Variants in SLC6A9 observed in about 807,000 individuals in gnomAD.
SLC6A9 encodes the protein solute carrier family 6 member 9.
In SLC6A9, 31 loss-of-function variants were observed where a neutral mutation model predicts 70.9. The ratio of observed to expected loss-of-function variants is 0.44; its 90% CI spans 0.33 to 0.59. The LOEUF (loss-of-function observed/expected upper bound fraction) is 0.59, where lower values mean the gene tolerates loss of function less well. Ranked by LOEUF, SLC6A9 falls within the 20% of genes least tolerant of loss-of-function variation. SLC6A9 has a pLI of 0.04. For missense variants in SLC6A9, 631 were observed against 845.2 expected (o/e 0.75, Z 3.14); for synonymous variants, 310 against 341.3 (o/e 0.91, Z 1.01).
intron 2 of SLC6A9, among the ~76,000 whole-genome samples, chr1:44,021,985 A>G (rs960844779): frequency 6.6e-6 from 1 of 152,266 alleles, no homozygotes; most frequent in Non-Finnish European, 1.5e-5. Context: ...GGGGGTGCCC[A>G]TGGGACAGAT....
intron 2 of SLC6A9, chr1:44,017,346 G>T (rs545902322): frequency 1.8e-5 from 24 of 1,363,954 alleles, no homozygotes; most frequent in Non-Finnish European, 2.3e-5. Flanking sequence ...TTTTTCCCTT[G>T]TTCCCAGCAA....
chr1:44,029,468 G>C (rs1338966475), intron 1 of SLC6A9, among the ~76,000 whole-genome samples: 3 of 152,120 alleles, frequency 2.0e-5, no homozygotes, highest in African/African-American at 7.2e-5. Context: ...CCTTTGCCCC[G>C]GCACCCGTTC....
chr1:43,997,279 G>T lies in SLC6A9; in HGVS notation c.*266C>A. On this transcript the variant is annotated 3_prime_UTR_variant, in exon 14 of 14. Coordinates refer to ENST00000372310, the MANE Select transcript of SLC6A9 (RefSeq NM_001024845.3). The surrounding 1 kb of genome is among the most constrained non-coding windows in gnomAD (Gnocchi z 4.4). Reference sequence around the variant, plus strand: ...AGCCATCCAGGCTGCTGGGGACCTGGCCCGAGACCCCTCCAAAGTGCTTTG... The same window carrying T: ...AGCCATCCAGGCTGCTGGGGACCTGTCCCGAGACCCCTCCAAAGTGCTTTG... The T allele has an allele frequency of 2.0e-6, 1 of 496,886 alleles. No homozygotes were observed. Among genetic ancestry groups the T allele is most frequent in the Non-Finnish European group, 3.6e-6 (1 of 279,348 alleles). 30.8% of individuals were successfully genotyped at this position (496,886 alleles called of 1,614,324 possible).
chr1:44,001,031 T>G lies in SLC6A9; in HGVS notation c.1360A>C (p.Met454Leu). 1 of 1,581,488 alleles carries G rather than the reference T, an allele frequency of 6.3e-7. No homozygotes were observed. The highest frequency in any genetic ancestry group is 8.6e-7 in the Non-Finnish European group (1 of 1,162,474). The change falls in exon 11 of 14, where the codon ATG becomes CTG. Residue 454 changes from methionine (M) to leucine (L), a missense_variant. By Grantham distance (15) the Met-to-Leu change is conservative. Transcript: ENST00000372310. ...SQAGIYWLLL[M>L]DNYAASFSLV... ...GAGAAGCTGGCCGCATAGTTGTCCA[T>G]CAGCAGCAGCCAATAGATGCCTGCC...
intron 2 of SLC6A9, chr1:44,017,003 C>T (rs2086767534): frequency 6.4e-7 from 1 of 1,555,194 alleles, no homozygotes; most frequent in Non-Finnish European, 8.7e-7. Context: ...TCTCAGCCTG[C>T]CTGGCACCAA....
intron 5 of SLC6A9, 120 bp from the exon 6 acceptor site, chr1:44,003,105 G>T (rs1488501088): frequency 2.5e-6 from 3 of 1,189,270 alleles, no homozygotes; most frequent in Non-Finnish European, 3.6e-6. Flanking sequence ...CAGCCACCTT[G>T]TGTGACATGG....
At chr1:44,022,436 C>T (rs1224295096) in intron 2 of SLC6A9, among the ~76,000 whole-genome samples, 1 of 152,180 alleles carries the variant, frequency 6.6e-6, no homozygotes, top group African/African-American at 2.4e-5. Flanking sequence ...ATGGGATTCA[C>T]CCCTAGCAAG....
intron 2 of SLC6A9, among the ~76,000 whole-genome samples, chr1:44,012,761 G>T (rs976518010): frequency 2.0e-5 from 3 of 152,218 alleles, no homozygotes; most frequent in Non-Finnish European, 4.4e-5. Flanking sequence ...GCAGGGCTGA[G>T]GTCAAGGAAG....
intron 2 of SLC6A9, among the ~76,000 whole-genome samples, chr1:44,017,834 G>C (rs2086800421): frequency 1.3e-5 from 2 of 152,268 alleles, no homozygotes; most frequent in Admixed American, 1.3e-4. Flanking sequence ...TCATCCCAGA[G>C]TCCAGACAAA....
chr1:44,024,291 T>C lies in SLC6A9; in HGVS notation c.-14A>G. On this transcript the variant is annotated 5_prime_UTR_variant, in exon 2 of 14. Coordinates refer to ENST00000372310, the MANE Select transcript of SLC6A9 (RefSeq NM_001024845.3). ...TTTTCCTACCATGGCGGCGGTGGGT[T>C]GGGGCTCTGGTGACGGGGACCACAC... 6.2e-7 allele frequency: 1 copy of C among 1,614,180 alleles called. No individual in the cohort carries two copies. Among genetic ancestry groups the C allele is most frequent in the East Asian group, 2.2e-5 (1 of 44,882 alleles).
chr1:44,010,970 G>T, intron 2 of SLC6A9, 88 bp from the exon 3 acceptor site: 1 of 1,437,252 alleles, frequency 7.0e-7, no homozygotes. Flanking sequence ...GGAAACCGTG[G>T]CCCCTCCAAC....
chr1:44,015,978 T>C, intron 2 of SLC6A9: 4 of 440,960 alleles, frequency 9.1e-6, no homozygotes, highest in Non-Finnish European at 1.2e-5. Flanking sequence ...AGTCCAGGCC[T>C]TCATATAGCA....
intron 2 of SLC6A9, chr1:44,011,772 C>A: frequency 1.3e-6 from 2 of 1,591,288 alleles, no homozygotes; most frequent in South Asian, 1.1e-5. Context: ...GGGGATTTGC[C>A]CCAGGGAAGA....
chr1:44,010,195 T>A, intron 3 of SLC6A9, 99 bp from the exon 4 acceptor site: 1 of 1,357,294 alleles, frequency 7.4e-7, no homozygotes, highest in Non-Finnish European at 1.0e-6. Context: ...CGCGATTGGG[T>A]AGGACCCAGG....
At chr1:44,024,608 G>C (rs1413557616) in intron 1 of SLC6A9, among the ~76,000 whole-genome samples, 1 of 152,270 alleles carries the variant, frequency 6.6e-6, no homozygotes, top group Non-Finnish European at 1.5e-5. Flanking sequence ...TGACTTTCCA[G>C]ATGCCCAATC....
At chr1:44,023,196 C>A (rs1329555147) in intron 2 of SLC6A9, among the ~76,000 whole-genome samples, 2 of 152,138 alleles carry the variant, frequency 1.3e-5, no homozygotes, top group Non-Finnish European at 2.9e-5. Flanking sequence ...CAGGTCCCCA[C>A]CCCCGGCAGC....
rs201324692 is a variant in SLC6A9, at chr1:44,001,208, C to T, written c.1291G>A (p.Val431Met). ...LQKKTYVTLG[V>M]AVAGFLLGIP... ...CCCAGCAGGAAGCCAGCCACAGCCA[C>T]GCCCAAGGTCACATAGGTCTTTTTC... is the stretch of plus-strand genomic sequence containing the variant. Residue 431 changes from valine (V) to methionine (M), a missense_variant, in exon 10 of 14, where the codon GTG (valine) becomes ATG (methionine). Physicochemically the swap from Val to Met is conservative, Grantham distance 21. Coordinates refer to ENST00000372310, the MANE Select transcript of SLC6A9 (RefSeq NM_001024845.3). The T allele has an allele frequency of 2.0e-5, 33 of 1,614,130 alleles. No individual in the cohort carries two copies. In the African/African-American group the frequency reaches 2.5e-4, roughly 12 times the overall value.
chr1:44,027,836 G>A (rs1327948742), intron 1 of SLC6A9, among the ~76,000 whole-genome samples: 3 of 152,166 alleles, frequency 2.0e-5, no homozygotes, highest in Non-Finnish European at 4.4e-5. Context: ...TTAGCTGGGC[G>A]TGGTGGTAGG....
intron 12 of SLC6A9, among the ~76,000 whole-genome samples, chr1:43,998,983 G>T (rs995296770): frequency 1.1e-4 from 1 of 9,168 alleles, no homozygotes; most frequent in Non-Finnish European, 4.5e-4. Flanking sequence ...GGCGGGGGAA[G>T]GGGGGGGGCA....
Sources: allele counts gnomAD v4.1 joint callset (sites outside exome capture counted in the v4.1 genomes callset), GRCh38; gene constraint gnomAD v4.1.1; non-coding constraint Gnocchi (gnomAD v3.1); transcripts MANE v1.5; gene names NCBI Gene and HGNC (gene_info 2026-07-23, HGNC 2026-07-21).